Variants in RYR2 observed in about 807,000 individuals in gnomAD.
The protein encoded by RYR2 is ryanodine receptor 2.
A neutral mutation model predicts 601.1 loss-of-function variants in RYR2; 227 were observed. The ratio of observed to expected loss-of-function variants is 0.38; its 90% CI spans 0.34 to 0.42. The LOEUF (loss-of-function observed/expected upper bound fraction) is 0.42. Among genes scored for constraint, RYR2 ranks in the 10% least tolerant of loss-of-function variants. The pLI, the probability that RYR2 is intolerant of heterozygous loss-of-function variation, is 1.00. For synonymous variants in RYR2, 2,223 were observed against 2,175.1 expected (o/e 1.02, Z -0.61); for missense variants, 4,646 against 6,156.5 (o/e 0.75, Z 8.21).
At chr1:237,787,597 C>CAAAAAA (rs778668137) in intron 91 of RYR2, among the ~76,000 whole-genome samples, 39 of 60,342 alleles carry the variant, frequency 6.5e-4, no homozygotes, top group Admixed American at 8.6e-4. Flanking sequence ...GTCTCAAAAA[C>CAAAAAA]AAAAAAAAAA....
At chr1:237,704,016 A>G (rs1206392375) in intron 66 of RYR2, among the ~76,000 whole-genome samples, 2 of 152,148 alleles carry the variant, frequency 1.3e-5, no homozygotes, top group East Asian at 1.9e-4. Flanking sequence ...AGTTTGTCCT[A>G]TGAATAATCA....
intron 25 of RYR2, among the ~76,000 whole-genome samples, chr1:237,542,511 A>C (rs753071037): frequency 2.0e-5 from 3 of 152,156 alleles, no homozygotes; most frequent in Non-Finnish European, 2.9e-5. Flanking sequence ...GTCGTTGGCC[A>C]TTCTCATCTG....
Position 237,248,287 on chromosome 1 carries a change from C to G in RYR2, c.49-22210C>G, listed in dbSNP as rs1477253886. 3.3e-5 allele frequency among the ~76,000 whole-genome samples: 3 copies of G among 90,060 alleles called. 1 individual carries two copies. The highest frequency in any genetic ancestry group is 7.1e-5 in the Non-Finnish European group (3 of 42,424). The allele number at this position is 90,060 out of a possible 152,430, so 59.1% of individuals were successfully genotyped here. A position where few individuals can be genotyped will look rare whatever the true frequency, so the allele number is the denominator to read the frequency against. ...ACTCCACCCCCCGCAACCCCGCCCCCCCCCCCCCCCCCAAAAATGATGATG... is the reference window on the plus strand; with the variant it reads ...ACTCCACCCCCCGCAACCCCGCCCCGCCCCCCCCCCCCAAAAATGATGATG... On this transcript the variant is annotated intron_variant, in intron 1 of 104. Transcript: ENST00000366574.
At chr1:237,798,591 A>T (rs1005438660) in intron 97 of RYR2, among the ~76,000 whole-genome samples, 4 of 152,112 alleles carry the variant, frequency 2.6e-5, no homozygotes, top group African/African-American at 9.7e-5. Flanking sequence ...GTTCAGAGGA[A>T]CTCATATTAC....
chr1:237,519,245 T>C (rs1666857085), intron 24 of RYR2, among the ~76,000 whole-genome samples: 1 of 152,218 alleles, frequency 6.6e-6, no homozygotes, highest in Non-Finnish European at 1.5e-5. Context: ...TTCACTCTGT[T>C]GATTCTTTCT....
chr1:237,781,301 C>T (rs1293150922), intron 88 of RYR2, among the ~76,000 whole-genome samples: 7 of 152,180 alleles, frequency 4.6e-5, no homozygotes, highest in South Asian at 2.1e-4. Context: ...CTGTGCGCCT[C>T]GGCCTCCCAA....
chr1:237,188,756 G>A (rs1679646316), intron 1 of RYR2, among the ~76,000 whole-genome samples: 1 of 152,038 alleles, frequency 6.6e-6, no homozygotes, highest in South Asian at 2.1e-4. Flanking sequence ...AGTAGAAATG[G>A]GGTTTCACCA....
chr1:237,428,987 C>T (rs1045229414), intron 12 of RYR2, among the ~76,000 whole-genome samples: 7 of 151,890 alleles, frequency 4.6e-5, no homozygotes, highest in Non-Finnish European at 7.4e-5. Context: ...GGAGAGCTGC[C>T]GCAGAAGCCC....
chr1:237,674,459 C>CA lies in RYR2; in HGVS notation c.8714+246dup, dbSNP rs200500111. 7.9e-3 allele frequency among the ~76,000 whole-genome samples: 1,197 copies of CA among 152,032 alleles called. 18 individuals are homozygous for CA. The highest frequency in any genetic ancestry group is 0.027 in the African/African-American group (1,134 of 41,498). On this transcript the variant is annotated intron_variant, in intron 59 of 104. Transcript: ENST00000366574. ...CCATCATTTAGGCAAAATCCCCAGG[C>CA]AAAAAATCACACTCTGTTTTTGTAA... is the stretch of plus-strand genomic sequence containing the variant.
At chr1:237,359,311 A>G (rs1311516174) in intron 4 of RYR2, among the ~76,000 whole-genome samples, 1 of 152,212 alleles carries the variant, frequency 6.6e-6, no homozygotes, top group African/African-American at 2.4e-5. Flanking sequence ...ATGGGTAATC[A>G]AAATACAGTT....
intron 85 of RYR2, among the ~76,000 whole-genome samples, chr1:237,771,491 C>T (rs1694273670): frequency 6.6e-6 from 1 of 151,790 alleles, no homozygotes; most frequent in Non-Finnish European, 1.5e-5. Flanking sequence ...ATTTCTTTTG[C>T]ACCACTTCTC....
intron 1 of RYR2, among the ~76,000 whole-genome samples, chr1:237,244,176 A>G (rs1229474113): frequency 6.6e-6 from 1 of 152,214 alleles, no homozygotes; most frequent in Non-Finnish European, 1.5e-5. Flanking sequence ...CAAACAACAC[A>G]TAGCTTCTTC....
chr1:237,299,715 T>G (rs1380931538), intron 2 of RYR2, among the ~76,000 whole-genome samples: 8 of 152,194 alleles, frequency 5.3e-5, no homozygotes, highest in African/African-American at 1.7e-4. Context: ...GTTGTAAATG[T>G]TTAATATCCT....
At chr1:237,554,888 T>C (rs1006882472) in intron 27 of RYR2, among the ~76,000 whole-genome samples, 1 of 152,068 alleles carries the variant, frequency 6.6e-6, no homozygotes, top group African/African-American at 2.4e-5. Flanking sequence ...ATCACTTCTC[T>C]AAGGGATTAA....
intron 6 of RYR2, among the ~76,000 whole-genome samples, chr1:237,373,260 TTGGC>T (rs1347212855): frequency 2.0e-5 from 3 of 152,202 alleles, no homozygotes; most frequent in Non-Finnish European, 4.4e-5. Flanking sequence ...TGGGAGCCTC[TTGGC>T]TATAACCTTG....
At chr1:237,670,107 C>T (rs1178649688) in intron 58 of RYR2, among the ~76,000 whole-genome samples, 3 of 152,004 alleles carry the variant, frequency 2.0e-5, no homozygotes, top group Non-Finnish European at 2.9e-5. Flanking sequence ...GCCAACACAG[C>T]GAAACCCCGT....
chr1:237,218,669 G>T (rs1683450066), intron 1 of RYR2, among the ~76,000 whole-genome samples: 1 of 152,146 alleles, frequency 6.6e-6, no homozygotes, highest in South Asian at 2.1e-4. Flanking sequence ...AAATGCTGGG[G>T]TATGGGGGAC....
intron 76 of RYR2, 100 bp downstream of exon 76, chr1:237,727,299 A>T (rs752871104): frequency 2.1e-6 from 1 of 477,990 alleles, no homozygotes; most frequent in Non-Finnish European, 3.7e-6. Context: ...ATAGTCCAAG[A>T]GAAGGATGGA....
intron 1 of RYR2, among the ~76,000 whole-genome samples, chr1:237,096,816 G>A (rs1320610232): frequency 6.6e-6 from 1 of 152,202 alleles, no homozygotes; most frequent in South Asian, 2.1e-4. Flanking sequence ...AGTTGGTAGA[G>A]AGCAACATCT....
Sources: gnomAD v4.1 joint callset for allele counts (sites outside exome capture counted in the v4.1 genomes callset) on GRCh38, gnomAD v4.1.1 for gene constraint, MANE v1.5 for transcripts, NCBI Gene and HGNC (gene_info 2026-07-23, HGNC 2026-07-21) for gene names.